ATF6: variants seen among roughly 807,000 people sequenced by gnomAD.
ATF6 encodes the protein activating transcription factor 6, also known as cyclic AMP-dependent transcription factor ATF-6 alpha.
ATF6 carries 53 observed loss-of-function variants against 83.6 expected under a neutral mutation model. That is an observed-to-expected ratio of 0.63 (90% confidence interval 0.51 to 0.80). The LOEUF is 0.80. Ranked by LOEUF, ATF6 falls within the 30% of genes least tolerant of loss-of-function variation. The pLI is 0.00. For synonymous variants in ATF6, 288 were observed against 285.8 expected (o/e 1.01, Z -0.08); for missense variants, 744 against 797.9 (o/e 0.93, Z 0.81).
intron 5 of ATF6, 95 bp from the exon 6 acceptor site, chr1:161,792,029 A>C: frequency 9.8e-7 from 1 of 1,019,466 alleles, no homozygotes; most frequent in Non-Finnish European, 1.5e-6. Flanking sequence ...CGAAGTTAAG[A>C]TAATGTGTAG....
In ATF6 at chr1:161,766,438, T is replaced by C. The variant is rs769182741; in HGVS notation, c.78T>C (p.Asp26=). The change falls in exon 1 of 16, where the codon GAT becomes GAC. Residue 26 remains aspartate (D), a synonymous_variant. Coordinates refer to ENST00000367942, the MANE Select transcript of ATF6 (RefSeq NM_007348.4). ...GACTCTTTCACAGGCTGGATGAAGA[T>C]TGGGGTGAGTGGGATCTGAGAATGT... ...SPGLFHRLDE[D]WDSALFAELG... 6 of 1,612,824 alleles carry C rather than the reference T, an allele frequency of 3.7e-6. No individual in the cohort carries two copies. The highest frequency in any genetic ancestry group is 5.1e-6 in the Non-Finnish European group (6 of 1,179,420).
At chr1:161,871,489 A>C (rs994700413) in intron 14 of ATF6, among the ~76,000 whole-genome samples, 18 of 151,608 alleles carry the variant, frequency 1.2e-4, no homozygotes, top group African/African-American at 4.1e-4. Flanking sequence ...CTGAACTTAA[A>C]ATAAAAGTTA....
intron 7 of ATF6, among the ~76,000 whole-genome samples, chr1:161,814,492 C>T (rs1256626604): frequency 6.6e-6 from 1 of 152,166 alleles, no homozygotes. Flanking sequence ...TATCAGAAGG[C>T]ATTCTTCATT....
chr1:161,767,857 C>A (rs952285537), intron 1 of ATF6, among the ~76,000 whole-genome samples: 8 of 152,022 alleles, frequency 5.3e-5, no homozygotes, highest in Non-Finnish European at 8.8e-5. Flanking sequence ...CATTTCTTTT[C>A]TTTACCTCTT....
intron 14 of ATF6, among the ~76,000 whole-genome samples, chr1:161,885,853 A>G (rs1687407467): frequency 6.6e-6 from 1 of 152,188 alleles, no homozygotes; most frequent in Non-Finnish European, 1.5e-5. Flanking sequence ...AAAATTTCAT[A>G]CTGGGATAGG....
chr1:161,838,020 C>T (rs1233563468), intron 9 of ATF6, among the ~76,000 whole-genome samples: 1 of 152,166 alleles, frequency 6.6e-6, no homozygotes, highest in Non-Finnish European at 1.5e-5. Flanking sequence ...GACAGAGCAA[C>T]AGCCACTCAG....
At position 161,961,979 on chromosome 1, in the gene ATF6, G is replaced by A. The variant is rs1172349431; in HGVS notation, c.*3325G>A. On this transcript the variant is annotated 3_prime_UTR_variant, in exon 16 of 16. Coordinates refer to ENST00000367942, the MANE Select transcript of ATF6 (RefSeq NM_007348.4). ...TTAGTGTAAACTAACTCCAAAGTTA[G>A]GAGTTAATGTGAAAGGATCATCCTT... 6.6e-6 allele frequency: 1 copy of A among 152,190 alleles called. No individual in the cohort carries two copies. The allele number at this position is 152,190 out of a possible 1,614,324, so 9.4% of individuals were successfully genotyped here.
chr1:161,830,926 A>G (rs1002769577), intron 9 of ATF6, among the ~76,000 whole-genome samples: 1 of 152,252 alleles, frequency 6.6e-6, no homozygotes, highest in African/African-American at 2.4e-5. Context: ...AGCAATGGCA[A>G]CAAAAGCCAA....
intron 7 of ATF6, among the ~76,000 whole-genome samples, chr1:161,815,154 T>C (rs746755197): frequency 4.7e-4 from 71 of 151,738 alleles, no homozygotes; most frequent in Non-Finnish European, 7.4e-4. Flanking sequence ...GATATTCGAA[T>C]GTATTTCTTA....
chr1:161,840,025 T>C (rs1202383994), intron 9 of ATF6: 1 of 152,176 alleles, frequency 6.6e-6, no homozygotes, highest in Non-Finnish European at 1.5e-5. Flanking sequence ...ACCTAGATTT[T>C]AAAAGGATCA....
chr1:161,769,478 G>T (rs1684337422), intron 1 of ATF6, among the ~76,000 whole-genome samples: 1 of 152,070 alleles, frequency 6.6e-6, no homozygotes, highest in African/African-American at 2.4e-5. Context: ...CAGCCTTTTG[G>T]CACCAGGGAC....
intron 9 of ATF6, among the ~76,000 whole-genome samples, chr1:161,837,256 A>T (rs1466981699): frequency 6.6e-6 from 1 of 152,216 alleles, no homozygotes; most frequent in Admixed American, 6.5e-5. Context: ...ACTTCTAGGC[A>T]GTTTGCCATT....
At chr1:161,925,267 A>G (rs992561635) in intron 15 of ATF6, among the ~76,000 whole-genome samples, 3 of 152,144 alleles carry the variant, frequency 2.0e-5, no homozygotes, top group Non-Finnish European at 4.4e-5. Context: ...GGATCTCCTA[A>G]TTCTATATAG....
At chr1:161,950,090 C>T (rs1466867270) in intron 15 of ATF6, among the ~76,000 whole-genome samples, 1 of 152,186 alleles carries the variant, frequency 6.6e-6, no homozygotes, top group Non-Finnish European at 1.5e-5. Flanking sequence ...ATACATTTTT[C>T]CCCTGAATAT....
intron 7 of ATF6, among the ~76,000 whole-genome samples, chr1:161,817,284 A>G (rs1685634604): frequency 6.6e-6 from 1 of 152,220 alleles, no homozygotes; most frequent in South Asian, 2.1e-4. Flanking sequence ...CCTTTTGTCT[A>G]ACTTTTAGTA....
chr1:161,851,364 T>G (rs750939427), intron 10 of ATF6, among the ~76,000 whole-genome samples: 26 of 152,220 alleles, frequency 1.7e-4, no homozygotes, highest in Admixed American at 7.2e-4. Context: ...TAATACCACT[T>G]GATTTTCGCC....
intron 14 of ATF6, among the ~76,000 whole-genome samples, chr1:161,871,967 AT>A (rs1166651837): frequency 6.6e-6 from 1 of 151,664 alleles, no homozygotes; most frequent in Non-Finnish European, 1.5e-5. Context: ...AAAAACAGCC[AT>A]AACAAAAACA....
chr1:161,847,193 G>A (rs1686504816), intron 10 of ATF6, among the ~76,000 whole-genome samples: 2 of 152,128 alleles, frequency 1.3e-5, no homozygotes, highest in Admixed American at 1.3e-4. Context: ...ACATTTCCCT[G>A]TGTTATTTAG....
intron 15 of ATF6, among the ~76,000 whole-genome samples, chr1:161,913,947 A>G (rs1340713859): frequency 1.3e-5 from 2 of 152,212 alleles, no homozygotes; most frequent in African/African-American, 4.8e-5. Context: ...TATTAAGCCA[A>G]AACCAACAAG....
Sources: allele counts gnomAD v4.1 joint callset (sites outside exome capture counted in the v4.1 genomes callset), GRCh38; gene constraint gnomAD v4.1.1; transcripts MANE v1.5; gene names NCBI Gene and HGNC (gene_info 2026-07-23, HGNC 2026-07-21).